FAM169A: variants seen among roughly 807,000 people sequenced by gnomAD.
FAM169A encodes the protein soluble lamin-associated protein of 75 kDa.
A neutral mutation model predicts 75.7 loss-of-function variants in FAM169A; 24 were observed. The observed-to-expected ratio is 0.32, with a 90% CI of 0.23 to 0.45. The LOEUF (loss-of-function observed/expected upper bound fraction) is 0.45, where lower values mean the gene tolerates loss of function less well. Among genes scored for constraint, FAM169A ranks in the 20% least tolerant of loss-of-function variants. The probability of loss-of-function intolerance (pLI) is 1.00; values close to 1 mark genes in which losing one functional copy is unlikely to be tolerated. For synonymous variants in FAM169A, 271 were observed against 271.0 expected, an observed-to-expected ratio of 1.00 and a Z score of 0.00; for missense variants, 673 against 784.0, an observed-to-expected ratio of 0.86 and a Z score of 1.69.
intron 1 of FAM169A, among the ~76,000 whole-genome samples, chr5:74,852,096 T>C (rs1043829647): frequency 2.0e-5 from 3 of 152,198 alleles, no homozygotes; most frequent in African/African-American, 7.2e-5. Context: ...AACTTGGCAC[T>C]TAATTTTGGC....
At chr5:74,827,927 A>T (rs1748121200) in intron 5 of FAM169A, among the ~76,000 whole-genome samples, 1 of 152,076 alleles carries the variant, frequency 6.6e-6, no homozygotes, top group African/African-American at 2.4e-5. Flanking sequence ...TGGCCTCCCA[A>T]AGTGCTGGAA....
At position 74,779,720 on chromosome 5, in the gene FAM169A, T is replaced by C. The variant is rs1416416366; in HGVS notation, c.*1740A>G. The C allele has an allele frequency of 6.6e-6, 1 of 152,162 alleles. No homozygotes were observed. Among genetic ancestry groups the C allele is most frequent in the Admixed American group, 6.5e-5 (1 of 15,268 alleles). The allele number at this position is 152,162 out of a possible 1,614,324, so 9.4% of individuals were successfully genotyped here. ...TGAAATAATCTGGCTTACCTTTGAC[T>C]AATTAAAGAAAATATAGGGTAATAC... On this transcript the variant is annotated 3_prime_UTR_variant, in exon 13 of 13. Transcript: ENST00000687041.
At position 74,781,709 on chromosome 5, in the gene FAM169A, C is replaced by CT; in HGVS notation, c.1763dup (p.Ser589GlufsTer7). The CT allele has an allele frequency of 1.2e-6, 2 of 1,614,174 alleles. No individual in the cohort carries two copies. Among genetic ancestry groups the CT allele is most frequent in the Non-Finnish European group, 1.7e-6 (2 of 1,180,026 alleles). ...CAAGTTCAACCTCTATCAAAGAACT[C>CT]TGAGGAAGAGCAGTAGATGTTTCCT... On this transcript the variant is annotated frameshift_variant, in exon 13 of 13. Coordinates refer to ENST00000687041, the MANE Select transcript of FAM169A (RefSeq NM_001376049.1). LOFTEE classifies it high-confidence loss of function.
chr5:74,805,617 G>A (rs1336684076), intron 6 of FAM169A, among the ~76,000 whole-genome samples: 5 of 132,062 alleles, frequency 3.8e-5, no homozygotes, highest in East Asian at 5.0e-4. Context: ...TGCAACCTCC[G>A]CCTCCTAGGT....
At chr5:74,822,640 G>A (rs1312121079) in intron 5 of FAM169A, among the ~76,000 whole-genome samples, 1 of 152,116 alleles carries the variant, frequency 6.6e-6, no homozygotes, top group Non-Finnish European at 1.5e-5. Flanking sequence ...TTATACAACA[G>A]TTTTGACTGA....
chr5:74,784,592 G>GTAATCAAC (rs1382958260), intron 11 of FAM169A, among the ~76,000 whole-genome samples: 2 of 136,016 alleles, frequency 1.5e-5, no homozygotes, highest in South Asian at 2.3e-4. Flanking sequence ...GGAAGAGAGG[G>GTAATCAAC]TAATCAACCC....
At chr5:74,835,224 G>GA (rs1481047388) in intron 4 of FAM169A, among the ~76,000 whole-genome samples, 1 of 152,102 alleles carries the variant, frequency 6.6e-6, no homozygotes, top group African/African-American at 2.4e-5. Context: ...AACAGAAACA[G>GA]AGTCTCACTT....
chr5:74,793,947 GA>G, intron 11 of FAM169A, among the ~76,000 whole-genome samples: 1 of 147,632 alleles, frequency 6.8e-6, no homozygotes, highest in South Asian at 2.2e-4. Flanking sequence ...AGCTTGCAGT[GA>G]GCCGAGATTG....
At chr5:74,782,414 G>C (rs1745458792) in intron 12 of FAM169A, among the ~76,000 whole-genome samples, 1 of 152,152 alleles carries the variant, frequency 6.6e-6, no homozygotes, top group African/African-American at 2.4e-5. Flanking sequence ...GATTTCATTA[G>C]ATAAGTTAGG....
chr5:74,850,252 C>T (rs191972881), intron 1 of FAM169A, among the ~76,000 whole-genome samples: 38 of 152,254 alleles, frequency 2.5e-4, no homozygotes, highest in East Asian at 9.7e-4. Flanking sequence ...TATTTGAACC[C>T]GGCAGTCGGA....
At chr5:74,854,520 C>T (rs1749610892) in intron 1 of FAM169A, among the ~76,000 whole-genome samples, 1 of 152,168 alleles carries the variant, frequency 6.6e-6, no homozygotes, top group South Asian at 2.1e-4. Flanking sequence ...TATCATCACA[C>T]TGTTGAGCTG....
chr5:74,814,503 C>T (rs1416328230), intron 5 of FAM169A, among the ~76,000 whole-genome samples: 1 of 151,906 alleles, frequency 6.6e-6, no homozygotes, highest in African/African-American at 2.4e-5. Flanking sequence ...CTAACGAGTA[C>T]CATTTCATTT....
At chr5:74,834,029 A>C (rs6886382) in intron 5 of FAM169A, among the ~76,000 whole-genome samples, 2,250 of 152,298 alleles carry the variant, frequency 0.015, 50 homozygotes, top group African/African-American at 0.048. Flanking sequence ...TGTGCTATGC[A>C]TAAACAGGCT....
chr5:74,866,577 G>A (rs1561334874), upstream of FAM169A: 2 of 541,070 alleles, frequency 3.7e-6, no homozygotes, highest in Non-Finnish European at 4.7e-6. Flanking sequence ...CGCGGCCCCC[G>A]CCTCGCCACC....
intron 11 of FAM169A, among the ~76,000 whole-genome samples, chr5:74,786,642 A>C (rs893104184): frequency 6.6e-6 from 1 of 152,172 alleles, no homozygotes; most frequent in African/African-American, 2.4e-5. Flanking sequence ...AAAGTGATGA[A>C]AGACAATGAT....
At chr5:74,839,271 T>C (rs572390951) in intron 3 of FAM169A, among the ~76,000 whole-genome samples, 1 of 152,254 alleles carries the variant, frequency 6.6e-6, no homozygotes, top group South Asian at 2.1e-4. Context: ...TCTTGAACTG[T>C]AATCCCCACA....
At chr5:74,859,330 C>T (rs1331252771) in intron 1 of FAM169A, among the ~76,000 whole-genome samples, 1 of 136,004 alleles carries the variant, frequency 7.4e-6, no homozygotes, top group Non-Finnish European at 1.6e-5. Context: ...TGCTCTGTCA[C>T]CCAGGCTGGA....
intron 10 of FAM169A, among the ~76,000 whole-genome samples, chr5:74,800,458 T>C (rs17670867): frequency 0.085 from 12,942 of 152,156 alleles, 681 homozygotes; most frequent in Admixed American, 0.17. Context: ...TACCATCAAA[T>C]TCAGCGTGGT....
chr5:74,853,125 A>G (rs1749527492), intron 1 of FAM169A, among the ~76,000 whole-genome samples: 1 of 152,220 alleles, frequency 6.6e-6, no homozygotes, highest in African/African-American at 2.4e-5. Flanking sequence ...TCTCATTAAT[A>G]ACATACAGGT....
Sources: gnomAD v4.1 joint callset for allele counts (sites outside exome capture counted in the v4.1 genomes callset) on GRCh38, gnomAD v4.1.1 for gene constraint, MANE v1.5 for transcripts, NCBI Gene and HGNC (gene_info 2026-07-23, HGNC 2026-07-21) for gene names.